SOS2: variants seen among roughly 807,000 people sequenced by gnomAD.
SOS2 encodes son of sevenless homolog 2.
In SOS2, 65 loss-of-function variants were observed where a neutral mutation model predicts 148.2. The ratio of observed to expected loss-of-function variants is 0.44; its 90% confidence interval spans 0.36 to 0.54. The LOEUF (loss-of-function observed/expected upper bound fraction) is 0.54, where lower values mean the gene tolerates loss of function less well. SOS2 is among the 20% of genes least tolerant of loss of function. SOS2 has a pLI of 0.00. For missense variants in SOS2, 1,341 were observed against 1,590.2 expected, an observed-to-expected ratio of 0.84 and a Z score of 2.67; for synonymous variants, 539 against 537.1, an observed-to-expected ratio of 1.00 and a Z score of -0.05.
At chr14:50,137,552 A>G (rs1884122873) in intron 18 of SOS2, among the ~76,000 whole-genome samples, 1 of 152,214 alleles carries the variant, frequency 6.6e-6, no homozygotes, top group Non-Finnish European at 1.5e-5. Flanking sequence ...AGAATGTCTA[A>G]TGTTTAACAT....
At chr14:50,118,929 C>A in intron 22 of SOS2, 76 bp from the exon 23 acceptor site, 1 of 933,466 alleles carries the variant, frequency 1.1e-6, no homozygotes, top group Non-Finnish European at 1.5e-6. Context: ...CTGAAAAATT[C>A]TTACTTGTCA....
intron 8 of SOS2, among the ~76,000 whole-genome samples, chr14:50,164,062 A>T (rs1885093615): frequency 6.6e-6 from 1 of 152,216 alleles, no homozygotes; most frequent in Admixed American, 6.5e-5. Context: ...AATTTTCAGC[A>T]GTGAGATTTG....
At chr14:50,173,891 A>T (rs1476308223) in intron 8 of SOS2, among the ~76,000 whole-genome samples, 1 of 152,184 alleles carries the variant, frequency 6.6e-6, no homozygotes, top group Non-Finnish European at 1.5e-5. Context: ...GTCTTATTAG[A>T]GGTCCTATCA....
chr14:50,194,054 G>A (rs1392206143), intron 4 of SOS2, among the ~76,000 whole-genome samples: 1 of 152,080 alleles, frequency 6.6e-6, no homozygotes, highest in East Asian at 1.9e-4. Context: ...CAAGTCATCT[G>A]GATTTTAGCT....
intron 4 of SOS2, 41 bp from the exon 5 acceptor site, chr14:50,188,741 T>A: frequency 7.3e-7 from 1 of 1,377,776 alleles, no homozygotes; most frequent in Non-Finnish European, 1.0e-6. Context: ...TTATTTTCTT[T>A]ACTTTTATAA....
intron 1 of SOS2, among the ~76,000 whole-genome samples, chr14:50,218,525 C>CA (rs545458755): frequency 0.011 from 1,559 of 143,888 alleles, 7 homozygotes; most frequent in Non-Finnish European, 0.015. Flanking sequence ...TCCATCCCCC[C>CA]AAAAAAAAAC....
In SOS2 at chr14:50,157,042, G is replaced by A; in HGVS notation, c.2014C>T (p.Leu672Phe). Residue 672 changes from leucine to phenylalanine, a missense_variant, in exon 12 of 23, where the codon CTT becomes TTT. Leu to Phe is a conservative substitution (Grantham distance 22, BLOSUM62 0). Transcript: ENST00000216373. Reference protein sequence around the residue: ...EKGEQPISADLKRFRKEYVQP... With the variant: ...EKGEQPISADFKRFRKEYVQP... ...ACATATTCCTTGCGAAATCTTTTAA[G>A]GTCTGCACTGATTGGCTGCTCGCCT... is the stretch of plus-strand genomic sequence containing the variant. 1 of 1,611,988 alleles carries A rather than the reference G, an allele frequency of 6.2e-7. No homozygotes were observed. Among genetic ancestry groups the A allele is most frequent in the Non-Finnish European group, 8.5e-7 (1 of 1,178,866 alleles).
chr14:50,161,351 G>T, intron 9 of SOS2, 131 bp downstream of exon 9: 2 of 702,020 alleles, frequency 2.8e-6, no homozygotes, highest in Non-Finnish European at 4.8e-6. Flanking sequence ...CAACATAAAA[G>T]TATATAAAAG....
chr14:50,226,841 C>T (rs1440989731), intron 1 of SOS2, among the ~76,000 whole-genome samples: 4 of 152,172 alleles, frequency 2.6e-5, no homozygotes, highest in Non-Finnish European at 5.9e-5. Context: ...ATGAAGAATG[C>T]TGATTTATCT....
chr14:50,231,207 G>A lies in SOS2; in HGVS notation c.77C>T (p.Ala26Val). ...GCCCCTAGCACTGACCTTCCGCAGG[G>A]CCGAGACCAACAGTCCCCGCCATTT... ...SPKWRGLLVSALRKVQEQVHP... is the reference protein window; with the variant it reads ...SPKWRGLLVSVLRKVQEQVHP... The change falls in exon 1 of 23, where the codon GCC becomes GTC. Residue 26 changes from alanine (A) to valine (V), a missense_variant. Physicochemically the swap from Ala to Val is moderately conservative, Grantham distance 64. Around this residue, in one of 4 missense-constraint regions of SOS2, gnomAD observed 574 missense variants for 711.1 expected, o/e 0.81. Transcript: ENST00000216373. 2 of 1,487,508 alleles carry A rather than the reference G, an allele frequency of 1.3e-6. No homozygotes were observed. Among genetic ancestry groups the A allele is most frequent in the Non-Finnish European group, 1.8e-6 (2 of 1,104,542 alleles). The allele number at this position is 1,487,508 out of a possible 1,614,324, so 92.1% of individuals were successfully genotyped here. A position where few individuals can be genotyped will look rare whatever the true frequency, so the allele number is the denominator to read the frequency against.
chr14:50,192,143 C>CAAAAAA (rs201836422), intron 4 of SOS2, among the ~76,000 whole-genome samples: 5 of 118,926 alleles, frequency 4.2e-5, no homozygotes, highest in Admixed American at 8.7e-5. Context: ...GTCCTTGTCA[C>CAAAAAA]AAAAAAAAAA....
intron 4 of SOS2, among the ~76,000 whole-genome samples, chr14:50,190,774 T>A (rs1886104377): frequency 6.6e-6 from 1 of 152,044 alleles, no homozygotes; most frequent in Non-Finnish European, 1.5e-5. Flanking sequence ...ATCCCTCCCT[T>A]CCCCACTGCT....
At chr14:50,210,668 G>A (rs1212676735) in intron 1 of SOS2, among the ~76,000 whole-genome samples, 2 of 150,282 alleles carry the variant, frequency 1.3e-5, no homozygotes, top group Non-Finnish European at 2.9e-5. Context: ...AATATATAGA[G>A]AACTCCTAAA....
At chr14:50,198,075 CAT>C in intron 4 of SOS2, among the ~76,000 whole-genome samples, 1 of 149,432 alleles carries the variant, frequency 6.7e-6, no homozygotes. Flanking sequence ...ATACATGACA[CAT>C]AAACAATATA....
At chr14:50,151,658 G>A (rs1222520932) in intron 13 of SOS2, among the ~76,000 whole-genome samples, 1 of 152,136 alleles carries the variant, frequency 6.6e-6, no homozygotes, top group African/African-American at 2.4e-5. Context: ...TTATTCTAAT[G>A]TGTGTGTGTA....
chr14:50,158,777 C>T lies in SOS2; in HGVS notation c.1853-131G>A, dbSNP rs573403465. On this transcript the variant is annotated intron_variant, in intron 10 of 22. Coordinates refer to ENST00000216373, the MANE Select transcript of SOS2 (RefSeq NM_006939.4). ...CTCCTCAGATTGTGGCTTTTCCTAA[C>T]AATCATGGTACTGGCAGGATACCAT... 86 of 623,492 alleles carry T rather than the reference C, an allele frequency of 1.4e-4. No individual in the cohort carries two copies. The Admixed American group carries it at 2.5e-3, about 18-fold the overall frequency. The allele number at this position is 623,492 out of a possible 1,614,324, so 38.6% of individuals were successfully genotyped here. A position where few individuals can be genotyped will look rare whatever the true frequency, so the allele number is the denominator to read the frequency against.
At position 50,231,445 on chromosome 14, in the gene SOS2, G is replaced by A. The variant is rs1270609800; in HGVS notation, c.-162C>T. 1 of 152,918 alleles carries A rather than the reference G, an allele frequency of 6.5e-6. No homozygotes were observed. Among genetic ancestry groups the A allele is most frequent in the Non-Finnish European group, 1.4e-5 (1 of 70,322 alleles). 9.5% of individuals were successfully genotyped at this position (152,918 alleles called of 1,614,324 possible). On this transcript the variant is annotated 5_prime_UTR_variant, in exon 1 of 23. Transcript: ENST00000216373. ...CGGAGGCGGCGCCGGCGGGCTGGCG[G>A]AGACCCCGGGGTCGGCTTCCTCCGC...
rs565303804 is a variant in SOS2, at chr14:50,205,940, C to T, written c.88-1531G>A. Among the ~76,000 whole-genome samples the T allele has an allele frequency of 4.2e-4, 63 of 150,206 alleles. No individual in the cohort carries two copies. In the South Asian group the frequency reaches 0.012, roughly 30 times the overall value. ...AAAAAAAAAATAGCATAAAATTGTGCATTATAGCCTCATATTTTGTAAGTC... is the reference window on the plus strand; with the variant it reads ...AAAAAAAAAATAGCATAAAATTGTGTATTATAGCCTCATATTTTGTAAGTC... On this transcript the variant is annotated intron_variant, in intron 1 of 22. Coordinates refer to ENST00000216373, the MANE Select transcript of SOS2 (RefSeq NM_006939.4).
chr14:50,164,438 C>T (rs200131948), intron 8 of SOS2, among the ~76,000 whole-genome samples: 1 of 150,282 alleles, frequency 6.7e-6, no homozygotes, highest in East Asian at 1.9e-4. Flanking sequence ...AGACTCTGTC[C>T]CCCGCAAAAA....
Sources: gnomAD v4.1 joint callset for allele counts (sites outside exome capture counted in the v4.1 genomes callset) on GRCh38, gnomAD v4.1.1 for gene constraint, gnomAD v4.1.1 regional missense constraint, MANE v1.5 for transcripts, NCBI Gene and HGNC (gene_info 2026-07-23, HGNC 2026-07-21) for gene names.